The following STON2 variants were observed in gnomAD, a reference collection of about 807,000 sequenced individuals.
The protein encoded by STON2 is stonin-2.
Under a neutral mutation model 65.7 loss-of-function variants are expected in STON2, and 29 were observed. That is an observed-to-expected ratio of 0.44 (90% CI 0.33 to 0.60). The LOEUF (loss-of-function observed/expected upper bound fraction) is 0.60, where lower values mean the gene tolerates loss of function less well. Ranked by LOEUF, STON2 falls within the 20% of genes least tolerant of loss-of-function variation. The pLI is 0.03. For missense variants in STON2, 1,054 were observed against 1,118.1 expected (o/e 0.94, Z 0.82); for synonymous variants, 404 against 414.2 (o/e 0.98, Z 0.30).
chr14:81,412,743 T>C lies in STON2; in HGVS notation c.-198-14163A>G, dbSNP rs897349473. Among the ~76,000 whole-genome samples, 7 of 139,994 alleles carry C rather than the reference T, an allele frequency of 5.0e-5. 1 individual carries two copies. Among genetic ancestry groups the C allele is most frequent in the Admixed American group, 4.9e-4 (7 of 14,144 alleles). 91.8% of individuals were successfully genotyped at this position (139,994 alleles called of 152,430 possible). A position where few individuals can be genotyped will look rare whatever the true frequency, so the allele number is the denominator to read the frequency against. On this transcript the variant is annotated intron_variant, in intron 2 of 8. Transcript: ENST00000553821. ...AAGGTGGTCCATTTTATAGTTGTAATTTAACAGAATTTTTTAAATTAAAAA... is the reference window on the plus strand; with the variant it reads ...AAGGTGGTCCATTTTATAGTTGTAACTTAACAGAATTTTTTAAATTAAAAA...
chr14:81,376,637 T>C (rs1280694418), intron 3 of STON2, among the ~76,000 whole-genome samples: 3 of 152,190 alleles, frequency 2.0e-5, no homozygotes, highest in African/African-American at 2.4e-5. Context: ...GGTTAGCATT[T>C]GTAAGGTTAG....
chr14:81,324,090 G>C lies in STON2; in HGVS notation c.669C>G (p.Pro223=), dbSNP rs1005337726. ...TCTTGGGCTGGGGTGAGGGTGGCGA[G>C]GGGTCCAGGCGGTGGGTGCGGGTGG... ...HTSTRTHRLD[P]SPPSPQPKRS... The change falls in exon 5 of 8, where the codon CCC becomes CCG. Residue 223 remains proline (P), a synonymous_variant. Transcript: ENST00000614646. Among the ~76,000 whole-genome samples, 3 of 152,226 alleles carry C rather than the reference G, an allele frequency of 2.0e-5. No homozygotes were observed. Among genetic ancestry groups the C allele is most frequent in the Admixed American group, 1.3e-4 (2 of 15,290 alleles).
intron 5 of STON2, among the ~76,000 whole-genome samples, chr14:81,317,714 T>C (rs1454564882): frequency 6.6e-6 from 1 of 152,154 alleles, no homozygotes; most frequent in Admixed American, 6.6e-5. Flanking sequence ...ACTCATATCT[T>C]TTCACCTGAG....
intron 6 of STON2, among the ~76,000 whole-genome samples, chr14:81,275,999 C>T (rs896580254): frequency 6.6e-6 from 1 of 152,218 alleles, no homozygotes; most frequent in African/African-American, 2.4e-5. Context: ...CTTTCGTTAA[C>T]AGATGGGCAA....
At chr14:81,293,574 C>T (rs1895647190) in intron 5 of STON2, among the ~76,000 whole-genome samples, 1 of 152,176 alleles carries the variant, frequency 6.6e-6, no homozygotes, top group African/African-American at 2.4e-5. Context: ...TCTTGGGCAG[C>T]TGCCTCCCAC....
rs1441261041 is a variant in STON2 at position 81,396,108 on chromosome 14, G to A, written c.159C>T (p.Asn53=). 2 of 1,614,136 alleles carry A rather than the reference G, an allele frequency of 1.2e-6. No individual in the cohort carries two copies. The highest frequency in any genetic ancestry group is 2.2e-5 in the East Asian group (1 of 44,870). ...PDQSESSSGE[N]HVVDGGSQDH... is the part of the protein sequence containing the mutation. ...CTTGAGAGCCTCCATCCACCACATG[G>A]TTCTCCCCGGAGGAGCTCTCGGACT... is the stretch of plus-strand genomic sequence containing the variant. Residue 53 remains asparagine (N), a synonymous_variant, in exon 3 of 8, where the codon AAC becomes AAT. Coordinates refer to ENST00000614646, the MANE Select transcript of STON2 (RefSeq NM_001394390.1).
chr14:81,409,432 T>A (rs200024371), intron 2 of STON2, among the ~76,000 whole-genome samples: 8 of 14,976 alleles, frequency 5.3e-4, no homozygotes, highest in East Asian at 2.3e-3. Context: ...AATATAAAAA[T>A]ATATATATAT....
At chr14:81,392,227 A>G (rs1900111963) in intron 3 of STON2, among the ~76,000 whole-genome samples, 2 of 152,198 alleles carry the variant, frequency 1.3e-5, no homozygotes, top group Non-Finnish European at 2.9e-5. Flanking sequence ...GGGGGTTCCC[A>G]GAAAAACTCC....
intron 4 of STON2, among the ~76,000 whole-genome samples, chr14:81,360,874 A>C (rs1263878559): frequency 6.6e-6 from 1 of 152,210 alleles, no homozygotes; most frequent in Non-Finnish European, 1.5e-5. Flanking sequence ...TCTATACACC[A>C]ACAAATGTTC....
intron 2 of STON2, among the ~76,000 whole-genome samples, chr14:81,409,221 A>G (rs1051534801): frequency 9.9e-5 from 15 of 152,066 alleles, no homozygotes; most frequent in Non-Finnish European, 1.9e-4. Flanking sequence ...ACTGGCCAAC[A>G]TGGTGAAACC....
At chr14:81,315,052 G>T (rs532844711) in intron 5 of STON2, among the ~76,000 whole-genome samples, 2 of 152,108 alleles carry the variant, frequency 1.3e-5, no homozygotes, top group Non-Finnish European at 2.9e-5. Context: ...TTCCTTCTCA[G>T]TAAACAACGA....
chr14:81,413,358 C>A, intron 2 of STON2: 1 of 788,582 alleles, frequency 1.3e-6, no homozygotes, highest in Non-Finnish European at 1.9e-6. Context: ...ATGTTCGAAC[C>A]TTTATTGTGT....
Position 81,265,669 on chromosome 14 carries a change from TAATAATACTCTGTCTC to T in STON2, c.*2729_*2744del. 9 of 588,578 alleles carry T rather than the reference TAATAATACTCTGTCTC, an allele frequency of 1.5e-5. No homozygotes were observed. Among genetic ancestry groups the T allele is most frequent in the Non-Finnish European group, 1.7e-5 (8 of 467,936 alleles). 36.5% of individuals were successfully genotyped at this position (588,578 alleles called of 1,614,324 possible). ...TCAGTAATAATAATAATAATAATAA[TAATAATACTCTGTCTC>T]AATAATAATAATAATAATAATTTGT... On this transcript the variant is annotated 3_prime_UTR_variant, in exon 8 of 8. Transcript: ENST00000614646.
At chr14:81,293,578 C>T (rs1895647320) in intron 5 of STON2, among the ~76,000 whole-genome samples, 1 of 152,144 alleles carries the variant, frequency 6.6e-6, no homozygotes, top group African/African-American at 2.4e-5. Flanking sequence ...GGGCAGCTGC[C>T]TCCCACTCCG....
At chr14:81,408,974 AT>A (rs996290665) in intron 2 of STON2, among the ~76,000 whole-genome samples, 1 of 151,962 alleles carries the variant, frequency 6.6e-6, no homozygotes. Context: ...TCCACTTCAT[AT>A]TTTTTTTGAA....
intron 5 of STON2, among the ~76,000 whole-genome samples, chr14:81,281,309 CA>C (rs1393198986): frequency 1.3e-5 from 2 of 152,132 alleles, no homozygotes; most frequent in Non-Finnish European, 2.9e-5. Context: ...ATTTTGGTAA[CA>C]AAGTCTAAAA....
intron 5 of STON2, among the ~76,000 whole-genome samples, chr14:81,309,741 G>A (rs1402817523): frequency 6.6e-6 from 1 of 152,208 alleles, no homozygotes. Flanking sequence ...CATTCTTTCT[G>A]TCATCATTGC....
intron 5 of STON2, among the ~76,000 whole-genome samples, chr14:81,322,156 C>T (rs1270524258): frequency 6.6e-6 from 1 of 152,106 alleles, no homozygotes; most frequent in Non-Finnish European, 1.5e-5. Context: ...GGGGCTGGCA[C>T]TACATGGAGG....
At chr14:81,389,290 C>T (rs1899966826) in intron 3 of STON2, among the ~76,000 whole-genome samples, 1 of 152,118 alleles carries the variant, frequency 6.6e-6, no homozygotes, top group South Asian at 2.1e-4. Flanking sequence ...TTTTTTCTTG[C>T]ACGCACAGAG....
Sources: gnomAD v4.1 joint callset for allele counts (sites outside exome capture counted in the v4.1 genomes callset) on GRCh38, gnomAD v4.1.1 for gene constraint, MANE v1.5 for transcripts, NCBI Gene and HGNC (gene_info 2026-07-23, HGNC 2026-07-21) for gene names.